DGKH: variants seen among roughly 807,000 people sequenced by gnomAD.
The protein encoded by DGKH is diacylglycerol kinase eta.
In DGKH, 90 loss-of-function variants were observed where a neutral mutation model predicts 159.3. The observed-to-expected ratio is 0.57, with a 90% CI of 0.48 to 0.67. The LOEUF is 0.67. Ranked by LOEUF, DGKH falls within the 30% of genes least tolerant of loss-of-function variation. The pLI is 0.00. For missense variants in DGKH, 1,181 were observed against 1,506.1 expected (o/e 0.78, Z 3.57); for synonymous variants, 536 against 553.8 (o/e 0.97, Z 0.45).
At chr13:42,255,964 G>C in intron 30 of DGKH, 1 of 1,611,006 alleles carries the variant, frequency 6.2e-7, no homozygotes, top group South Asian at 1.1e-5. Context: ...ATGACGCTCT[G>C]GTTGAGCTCA....
chr13:42,132,787 C>A (rs1470198537), intron 3 of DGKH, among the ~76,000 whole-genome samples: 1 of 152,020 alleles, frequency 6.6e-6, no homozygotes, highest in Non-Finnish European at 1.5e-5. Context: ...TAGTCCCAGC[C>A]ACTCAGGAGG....
At chr13:42,166,824 GATAGTT>G (rs1956327007) in intron 9 of DGKH, 150 bp downstream of exon 9, 5 of 644,702 alleles carry the variant, frequency 7.8e-6, no homozygotes, top group African/African-American at 1.9e-5. Flanking sequence ...CAACCTTTTG[GATAGTT>G]ATACAACTGT....
intron 1 of DGKH, among the ~76,000 whole-genome samples, chr13:42,113,674 G>C (rs1005211561): frequency 2.0e-5 from 3 of 152,166 alleles, no homozygotes; most frequent in Non-Finnish European, 4.4e-5. Context: ...CGATGAAGGA[G>C]GTTGACAGAT....
In DGKH at chr13:42,111,972, C is replaced by T. The variant is rs931467014; in HGVS notation, c.193-15491C>T. Among the ~76,000 whole-genome samples, 35 of 152,264 alleles carry T rather than the reference C, an allele frequency of 2.3e-4. 1 individual carries two copies. The highest frequency in any genetic ancestry group is 7.2e-4 in the African/African-American group (30 of 41,562). On this transcript the variant is annotated intron_variant, in intron 1 of 29. Coordinates refer to ENST00000337343, the MANE Select transcript of DGKH (RefSeq NM_178009.5). ...TACTGCAGACAGACCCACTGAAGAG[C>T]GAGCGCTTCACTGGGCTTCACCCTG...
intron 1 of DGKH, among the ~76,000 whole-genome samples, chr13:42,073,607 T>C (rs975562140): frequency 2.6e-5 from 4 of 152,218 alleles, no homozygotes; most frequent in Non-Finnish European, 5.9e-5. Flanking sequence ...ACATGTAAAG[T>C]AGGCAAAGCT....
At chr13:42,081,740 A>G (rs901494023) in intron 1 of DGKH, among the ~76,000 whole-genome samples, 1 of 152,164 alleles carries the variant, frequency 6.6e-6, no homozygotes, top group African/African-American at 2.4e-5. Context: ...TTCTGGCATA[A>G]TGAGATATCC....
chr13:42,221,322 G>A lies in DGKH; in HGVS notation c.3501G>A (p.Glu1167=). 6.2e-7 allele frequency: 1 copy of A among 1,613,742 alleles called. No individual in the cohort carries two copies. The highest frequency in any genetic ancestry group is 8.5e-7 in the Non-Finnish European group (1 of 1,179,722). Residue 1167 remains glutamate, a synonymous_variant, in exon 29 of 30, where the codon GAG becomes GAA. Coordinates refer to ENST00000337343, the MANE Select transcript of DGKH (RefSeq NM_178009.5). ...AAWLDLLNLG[E]YKDIFIRHDI... ...GGCTGGATCTGCTCAATTTGGGAGA[G>A]TACAAAGATATCTTCATCCGTCATG...
At chr13:42,184,861 C>G (rs1483253850) in intron 13 of DGKH, among the ~76,000 whole-genome samples, 1 of 136,646 alleles carries the variant, frequency 7.3e-6, no homozygotes, top group African/African-American at 2.8e-5. Flanking sequence ...AGCAAGACCC[C>G]CATCTCTAAA....
chr13:42,115,764 C>T lies in DGKH; in HGVS notation c.193-11699C>T, dbSNP rs540888207. Among the ~76,000 whole-genome samples the T allele has an allele frequency of 7.2e-5, 11 of 152,210 alleles. No individual in the cohort carries two copies. In the Middle Eastern group the frequency reaches 0.014, roughly 188 times the overall value. ...ACCAGCTAAGAGGTCTGGAATTATG[C>T]GGGTGATGGGTACACCTTGAACATA... On this transcript the variant is annotated intron_variant, in intron 1 of 29. Transcript: ENST00000337343.
In DGKH at chr13:42,229,084, G is replaced by C. The variant is rs200033114; in HGVS notation, c.3574-15G>C. The C allele has an allele frequency of 1.9e-6, 3 of 1,570,870 alleles. No homozygotes were observed. The highest frequency in any genetic ancestry group is 2.8e-5 in the African/African-American group (2 of 71,750). On this transcript the variant is annotated splice_polypyrimidine_tract_variant and intron_variant, in intron 29 of 29. Coordinates refer to ENST00000337343, the MANE Select transcript of DGKH (RefSeq NM_178009.5). ...TTTTTAATTATTTCTACCTTTTTCT[G>C]TTCTTTTATTTTAGGATCTGGGGAT... is the stretch of plus-strand genomic sequence containing the variant.
intron 1 of DGKH, chr13:42,070,111 A>C: frequency 1.0e-6 from 1 of 968,436 alleles, no homozygotes. Context: ...ATGGCTTGAA[A>C]TTGGCTTATC....
chr13:42,251,847 A>T (rs961344182), intron 29 of DGKH, among the ~76,000 whole-genome samples: 1 of 152,212 alleles, frequency 6.6e-6, no homozygotes, highest in African/African-American at 2.4e-5. Flanking sequence ...CCACTAAAGC[A>T]ATTATATTGC....
chr13:42,106,774 T>C (rs1407555216), intron 1 of DGKH, among the ~76,000 whole-genome samples: 2 of 152,170 alleles, frequency 1.3e-5, no homozygotes, highest in Non-Finnish European at 2.9e-5. Flanking sequence ...CTGGGCGCGG[T>C]GGCTCATGCC....
chr13:42,228,662 A>T (rs1958203490), intron 29 of DGKH, among the ~76,000 whole-genome samples: 1 of 123,970 alleles, frequency 8.1e-6, no homozygotes, highest in South Asian at 2.7e-4. Flanking sequence ...GAAAGAAGAA[A>T]GGGAGAGAAA....
At chr13:42,110,256 T>A (rs933965703) in intron 1 of DGKH, among the ~76,000 whole-genome samples, 82 of 152,280 alleles carry the variant, frequency 5.4e-4, no homozygotes, top group African/African-American at 1.9e-3. Context: ...ATCCCACCCT[T>A]GACCTTACCA....
exon 31 of DGKH, chr13:42,256,567 A>G (rs1958658555): frequency 1.5e-6 from 1 of 675,380 alleles, no homozygotes; most frequent in Non-Finnish European, 2.6e-6. Context: ...ATAAACGTGT[A>G]TATAATTTTT....
At chr13:42,226,856 C>CA (rs71202214) in intron 29 of DGKH, among the ~76,000 whole-genome samples, 35,436 of 132,620 alleles carry the variant, frequency 0.27, 5,055 homozygotes, top group Non-Finnish European at 0.34. Flanking sequence ...GACTCTGTCT[C>CA]AAAAAAAAAA....
intron 17 of DGKH, among the ~76,000 whole-genome samples, chr13:42,197,025 A>T (rs112215617): frequency 6.6e-6 from 1 of 152,058 alleles, no homozygotes; most frequent in African/African-American, 2.4e-5. Flanking sequence ...AGGCTGAGGC[A>T]GGCGGATCAC....
intron 28 of DGKH, 55 bp downstream of exon 28, chr13:42,219,849 A>C: frequency 2.0e-6 from 3 of 1,515,000 alleles, no homozygotes; most frequent in Non-Finnish European, 2.7e-6. Flanking sequence ...GAGCTGATTA[A>C]AGTGACATCA....
Sources: allele counts gnomAD v4.1 joint callset (sites outside exome capture counted in the v4.1 genomes callset), GRCh38; gene constraint gnomAD v4.1.1; transcripts MANE v1.5; gene names NCBI Gene and HGNC (gene_info 2026-07-23, HGNC 2026-07-21).